The following ERI2 variants were observed in gnomAD, a reference collection of about 807,000 sequenced individuals.
The protein encoded by ERI2 is ERI1 exoribonuclease 2.
Under a neutral mutation model 46.8 loss-of-function variants are expected in ERI2, and 35 were observed. The observed-to-expected ratio is 0.75, with a 90% CI of 0.57 to 0.99. The LOEUF is 0.99. Among genes scored for constraint, ERI2 ranks in the 50% least tolerant of loss-of-function variants. The probability of loss-of-function intolerance (pLI) is 0.00; values close to 1 mark genes in which losing one functional copy is unlikely to be tolerated. For synonymous variants in ERI2, 224 were observed against 271.0 expected (o/e 0.83, Z 1.70); for missense variants, 695 against 796.2 (o/e 0.87, Z 1.53).
chr16:20,801,503 T>C, intron 4 of ERI2, 144 bp from the exon 5 acceptor site: 1 of 837,474 alleles, frequency 1.2e-6, no homozygotes, highest in Non-Finnish European at 1.7e-6. Flanking sequence ...TGGGAAGACA[T>C]AACAAAGTGG....
Position 20,797,265 on chromosome 16 carries a change from C to T in ERI2, c.*459G>A. 9.4e-7 allele frequency: 1 copy of T among 1,067,662 alleles called. No homozygotes were observed. The highest frequency in any genetic ancestry group is 1.1e-6 in the Non-Finnish European group (1 of 886,656). 66.1% of individuals were successfully genotyped at this position (1,067,662 alleles called of 1,614,324 possible). A position where few individuals can be genotyped will look rare whatever the true frequency, so the allele number is the denominator to read the frequency against. On this transcript the variant is annotated 3_prime_UTR_variant, in exon 9 of 9. Transcript: ENST00000357967. Reference sequence around the variant, plus strand: ...AAGCAGTTTCTGAACCAGATCTCTGCTACATAGGTTTTCAAACTTTAGTTG... The same window carrying T: ...AAGCAGTTTCTGAACCAGATCTCTGTTACATAGGTTTTCAAACTTTAGTTG...
chr16:20,800,972 CATT>C (rs1471561467), intron 5 of ERI2, among the ~76,000 whole-genome samples: 1 of 152,044 alleles, frequency 6.6e-6, no homozygotes, highest in African/African-American at 2.4e-5. Context: ...ACTCTAGAAA[CATT>C]TTTTTAAGTT....
At position 20,798,079 on chromosome 16, in the gene ERI2, G is replaced by A; in HGVS notation, c.1721C>T (p.Pro574Leu). Residue 574 changes from proline (P) to leucine (L), a missense_variant, in exon 9 of 9, where the codon CCA (proline) becomes CTA (leucine). Coordinates refer to ENST00000357967, the MANE Select transcript of ERI2 (RefSeq NM_001142725.2). ...PVRSSSWRRL[P>L]SILTSTVNLQ... The stretch of plus-strand genomic sequence containing the variant: ...GTTAACTGTAGAAGTTAATATAGAT[G>A]GGAGACGCCTCCAGGAAGAACTTCT... The A allele has an allele frequency of 1.3e-6, 2 of 1,551,544 alleles. No individual in the cohort carries two copies. The highest frequency in any genetic ancestry group is 2.4e-5 in the South Asian group (2 of 84,046).
chr16:20,789,058 G>GATTT (rs2080536032), intron 10 of ERI2, among the ~76,000 whole-genome samples: 1 of 152,136 alleles, frequency 6.6e-6, no homozygotes, highest in Non-Finnish European at 1.5e-5. Context: ...GCAGAATTTT[G>GATTT]ATACTTAGAA....
chr16:20,801,417 T>A (rs1437030539), intron 4 of ERI2, 58 bp from the exon 5 acceptor site: 13 of 1,507,202 alleles, frequency 8.6e-6, no homozygotes, highest in Non-Finnish European at 1.1e-5. Context: ...TTATTTAGCA[T>A]GTTTTATAAC....
rs1432419699 is a variant in ERI2, at chr16:20,796,981, C to G, written c.*743G>C. On this transcript the variant is annotated 3_prime_UTR_variant, in exon 9 of 9. Coordinates refer to ENST00000357967, the MANE Select transcript of ERI2 (RefSeq NM_001142725.2). Reference sequence around the variant, plus strand: ...AATGGAAGACAATTTAAAGTTGTTTCATTAATTACCATATCTATAAAACAA... The same window carrying G: ...AATGGAAGACAATTTAAAGTTGTTTGATTAATTACCATATCTATAAAACAA... 6.2e-7 allele frequency: 1 copy of G among 1,610,036 alleles called. No homozygotes were observed. The highest frequency in any genetic ancestry group is 8.5e-7 in the Non-Finnish European group (1 of 1,178,524).
rs368694542 is a variant in ERI2 at position 20,787,909 on chromosome 16, C to T, written c.894+1570G>A. On this transcript the variant is annotated intron_variant, in intron 10 of 10. Coordinates refer to the ERI2 transcript ENST00000300005. ...CAATACATCCTGAAGAACCACCCCC[C>T]GACAACCCCTCACCACTTCAGTCTC... Among the ~76,000 whole-genome samples the T allele has an allele frequency of 9.9e-5, 15 of 152,258 alleles. No individual in the cohort carries two copies. In the South Asian group the frequency reaches 2.9e-3, roughly 29 times the overall value.
rs368608072 is a variant in ERI2, at chr16:20,786,120, G to C, written c.894+3359C>G. 1 of 1,604,240 alleles carries C rather than the reference G, an allele frequency of 6.2e-7. No homozygotes were observed. Among genetic ancestry groups the C allele is most frequent in the Non-Finnish European group, 8.5e-7 (1 of 1,176,326 alleles). On this transcript the variant is annotated intron_variant, in intron 10 of 10. Coordinates refer to the ERI2 transcript ENST00000300005. ...TTTTAAGGGAATGAAAATTAAACCTGGCTCAATGGGAAAACCTTCTCCTGC... is the reference window on the plus strand; with the variant it reads ...TTTTAAGGGAATGAAAATTAAACCTCGCTCAATGGGAAAACCTTCTCCTGC...
At position 20,797,748 on chromosome 16, in the gene ERI2, T is replaced by G; in HGVS notation, c.2052A>C (p.Arg684Ser). The G allele has an allele frequency of 6.5e-7, 1 of 1,548,992 alleles. No homozygotes were observed. Residue 684 changes from arginine to serine, a missense_variant, in exon 9 of 9, where the codon AGA becomes AGC. Physicochemically the swap from Arg to Ser is moderately radical, Grantham distance 110. Coordinates refer to ENST00000357967, the MANE Select transcript of ERI2 (RefSeq NM_001142725.2). ...NLSISTKNSL[R>S]LRPSMRN ...ATCAATTCCTCATTGAAGGCCTGAG[T>G]CTCAAAGAATTTTTGGTGGAAATAC...
At position 20,781,480 on chromosome 16, in the gene ERI2, C is replaced by T. The variant is rs367980934; in HGVS notation, c.895-746G>A. On this transcript the variant is annotated intron_variant, in intron 10 of 10. Transcript: ENST00000300005. Reference sequence around the variant, plus strand: ...TAATCTAGAGATGATTTAAAGTATACGGGAGGATATGCATAGGTTATATGC... The same window carrying T: ...TAATCTAGAGATGATTTAAAGTATATGGGAGGATATGCATAGGTTATATGC... Among the ~76,000 whole-genome samples the T allele has an allele frequency of 9.7e-4, 147 of 152,148 alleles. 4 individuals carry two copies. The South Asian group carries it at 0.028, about 29-fold the overall frequency.
intron 4 of ERI2, among the ~76,000 whole-genome samples, chr16:20,802,140 G>A (rs527533258): frequency 2.0e-5 from 3 of 147,910 alleles, no homozygotes; most frequent in East Asian, 2.2e-4. Flanking sequence ...TCAGGAGTTC[G>A]AGACCAGCCT....
In ERI2 at chr16:20,797,888, T is replaced by G; in HGVS notation, c.1912A>C (p.Lys638Gln). 1 of 1,551,690 alleles carries G rather than the reference T, an allele frequency of 6.4e-7. No individual in the cohort carries two copies. Reference sequence around the variant, plus strand: ...TCCTTTTGAAGTGTTTGTTCCCATTTGAAATAACCACAACATTTTCTGTTT... The same window carrying G: ...TCCTTTTGAAGTGTTTGTTCCCATTGGAAATAACCACAACATTTTCTGTTT... ...QENRKCCGYFKWEQTLQKERA... is the reference protein window; with the variant it reads ...QENRKCCGYFQWEQTLQKERA... Residue 638 changes from lysine (K) to glutamine (Q), a missense_variant, in exon 9 of 9, where the codon AAA becomes CAA. Lys to Gln is a moderately conservative substitution (Grantham distance 53). Coordinates refer to ENST00000357967, the MANE Select transcript of ERI2 (RefSeq NM_001142725.2).
At chr16:20,800,436 A>C (rs760808090) in intron 5 of ERI2, 34 bp from the exon 6 acceptor site, 2 of 1,331,698 alleles carry the variant, frequency 1.5e-6, no homozygotes, top group South Asian at 1.3e-5. Flanking sequence ...AACAAAGTCA[A>C]TGATGCCAGC....
rs2080743371 is a variant in ERI2, at chr16:20,797,478, A to G, written c.*246T>C. On this transcript the variant is annotated 3_prime_UTR_variant, in exon 9 of 9. Coordinates refer to ENST00000357967, the MANE Select transcript of ERI2 (RefSeq NM_001142725.2). ...TTATTAGTCACATTTTTTGCAAATA[A>G]TTTAAAAATAGTTTAGACTTGTTTC... is the stretch of plus-strand genomic sequence containing the variant. 1 of 1,090,740 alleles carries G rather than the reference A, an allele frequency of 9.2e-7. No homozygotes were observed. The highest frequency in any genetic ancestry group is 4.5e-5 in the South Asian group (1 of 22,458). The allele number at this position is 1,090,740 out of a possible 1,614,324, so 67.6% of individuals were successfully genotyped here.
chr16:20,783,322 C>T (rs1052122168), intron 10 of ERI2: 13 of 152,198 alleles, frequency 8.5e-5, no homozygotes, highest in African/African-American at 3.1e-4. Context: ...AGGATGAAGA[C>T]TCAGTACAGG....
In ERI2 at chr16:20,786,136, C is replaced by T. The variant is rs780432331; in HGVS notation, c.894+3343G>A. 1.9e-5 allele frequency: 30 copies of T among 1,608,832 alleles called. No individual in the cohort carries two copies. In the South Asian group the frequency reaches 3.2e-4, roughly 17 times the overall value. On this transcript the variant is annotated intron_variant, in intron 10 of 10. Transcript: ENST00000300005. The stretch of plus-strand genomic sequence containing the variant: ...ATTAAACCTGGCTCAATGGGAAAAC[C>T]TTCTCCTGCTTTCGATGTTAAGGTT...
intron 5 of ERI2, chr16:20,800,819 C>CA (rs1439337973): frequency 5.7e-6 from 1 of 174,524 alleles, no homozygotes; most frequent in African/African-American, 2.4e-5. Context: ...CACAGTCATA[C>CA]AAAAAACCTA....
chr16:20,799,296 A>G lies in ERI2; in HGVS notation c.699T>C (p.Gly233=), dbSNP rs2080770746. 7.4e-6 allele frequency: 12 copies of G among 1,613,792 alleles called. No individual in the cohort carries two copies. The highest frequency in any genetic ancestry group is 1.0e-5 in the Non-Finnish European group (12 of 1,179,746). Residue 233 remains glycine (G), a synonymous_variant, in exon 8 of 9, where the codon GGT becomes GGC. Coordinates refer to ENST00000357967, the MANE Select transcript of ERI2 (RefSeq NM_001142725.2). ...ACGACCTTGTAATTTTCATTACACA[A>G]CCATCTCTGATCATTTTCCAAGCAA... ...ALLAWKMIRD[G]CVMKITRSLN... is the part of the protein sequence containing the mutation.
chr16:20,789,519 ATAT>A (rs747034792), exon 10 of ERI2: 1 of 1,613,748 alleles, frequency 6.2e-7, no homozygotes, highest in African/African-American at 1.3e-5. Context: ...CTGTTTACTC[ATAT>A]TGGGCTTCTG....
Sources: gnomAD v4.1 joint callset for allele counts (sites outside exome capture counted in the v4.1 genomes callset) on GRCh38, gnomAD v4.1.1 for gene constraint, MANE v1.5 for transcripts, NCBI Gene and HGNC (gene_info 2026-07-23, HGNC 2026-07-21) for gene names.